GALM: variants seen among roughly 807,000 people sequenced by gnomAD.
GALM encodes aldose 1-epimerase.
In GALM, 43 loss-of-function variants were observed where a neutral mutation model predicts 37.4. That is an observed-to-expected ratio of 1.15 (90% confidence interval 0.90 to 1.48). GALM has a LOEUF of 1.48. Ranked by LOEUF, GALM falls within the 40% of genes most tolerant of loss-of-function variation. GALM has a pLI of 0.00. For missense variants in GALM, 456 were observed against 419.1 expected (o/e 1.09, Z -0.77); for synonymous variants, 199 against 170.6 (o/e 1.17, Z -1.30).
At chr2:38,691,061 T>C (rs1665661745) in intron 4 of GALM, among the ~76,000 whole-genome samples, 1 of 152,222 alleles carries the variant, frequency 6.6e-6, no homozygotes. Flanking sequence ...CTGGCCCATC[T>C]GGTCCTAGAG....
In GALM at chr2:38,715,497, G is replaced by C. The variant is rs117723804; in HGVS notation, c.635-14059G>C. Among the ~76,000 whole-genome samples, 121 of 152,290 alleles carry C rather than the reference G, an allele frequency of 7.9e-4. 2 individuals carry two copies. The East Asian group carries it at 0.021, about 27-fold the overall frequency. The stretch of plus-strand genomic sequence containing the variant: ...GTGTTGCCCAGGCTGAAGTGCAGTG[G>C]TGCAATCACAGCTCACTTTAGCTTC... On this transcript the variant is annotated intron_variant, in intron 4 of 6. Transcript: ENST00000272252.
At chr2:38,678,630 A>G (rs979641851) in intron 2 of GALM, among the ~76,000 whole-genome samples, 1 of 152,158 alleles carries the variant, frequency 6.6e-6, no homozygotes, top group African/African-American at 2.4e-5. Context: ...TGAAAGTTCA[A>G]CCTTTCTGGG....
chr2:38,719,481 A>C (rs1189102812), intron 4 of GALM, among the ~76,000 whole-genome samples: 3 of 143,078 alleles, frequency 2.1e-5, no homozygotes, highest in Admixed American at 2.1e-4. Context: ...AAAAAAAAAA[A>C]ATTAGGATCC....
chr2:38,731,720 T>G lies in GALM; in HGVS notation c.777-15T>G, dbSNP rs778282803. On this transcript the variant is annotated splice_polypyrimidine_tract_variant and intron_variant, in intron 5 of 6. Coordinates refer to ENST00000272252, the MANE Select transcript of GALM (RefSeq NM_138801.3). ...TTTTCTGCCCTGGACTCATGTTGTTTGTATTTCTTACCAGGGTGCATCATG... is the reference window on the plus strand; with the variant it reads ...TTTTCTGCCCTGGACTCATGTTGTTGGTATTTCTTACCAGGGTGCATCATG... The G allele has an allele frequency of 6.2e-7, 1 of 1,609,800 alleles. No homozygotes were observed. The highest frequency in any genetic ancestry group is 2.2e-5 in the East Asian group (1 of 44,848).
At chr2:38,711,846 C>CATT (rs1553383762) in intron 4 of GALM, among the ~76,000 whole-genome samples, 1 of 6,396 alleles carries the variant, frequency 1.6e-4, no homozygotes, top group Non-Finnish European at 3.4e-4. Flanking sequence ...TCACCATCAT[C>CATT]ACCACCACCA....
intron 4 of GALM, among the ~76,000 whole-genome samples, chr2:38,715,526 C>G (rs1666252766): frequency 6.6e-6 from 1 of 152,258 alleles, no homozygotes; most frequent in South Asian, 2.1e-4. Flanking sequence ...TAGCTTCATC[C>G]TCCTGGGCTC....
intron 1 of GALM, 72 bp from the exon 2 acceptor site, chr2:38,675,840 A>G (rs1665246702): frequency 6.9e-7 from 1 of 1,443,066 alleles, no homozygotes; most frequent in Non-Finnish European, 9.7e-7. Flanking sequence ...TAGTGCTGGG[A>G]TTACAGGTGT....
Position 38,689,873 on chromosome 2 carries a change from G to C in GALM, c.613G>C (p.Asp205His), listed in dbSNP as rs146728035. The change falls in exon 4 of 7, where the codon GAT (aspartate) becomes CAT (histidine). Residue 205 changes from aspartate (D) to histidine (H), a missense_variant. By Grantham distance (81) the Asp-to-His change is moderately conservative (BLOSUM62 -1). Coordinates refer to ENST00000272252, the MANE Select transcript of GALM (RefSeq NM_138801.3). Reference sequence around the variant, plus strand: ...AGAAGCGGATACTTATTTGCCTGTGGATGAAACCCTGATTCCTACAGGTTG... The same window carrying C: ...AGAAGCGGATACTTATTTGCCTGTGCATGAAACCCTGATTCCTACAGGTTG... ...TIEADTYLPV[D>H]ETLIPTGEVA... The C allele has an allele frequency of 3.7e-6, 6 of 1,609,308 alleles. No homozygotes were observed. In the South Asian group the frequency reaches 6.6e-5, roughly 18 times the overall value.
At chr2:38,676,903 T>C (rs1365904182) in intron 2 of GALM, among the ~76,000 whole-genome samples, 4 of 152,218 alleles carry the variant, frequency 2.6e-5, no homozygotes, top group Non-Finnish European at 5.9e-5. Flanking sequence ...CCGTCCAACA[T>C]GCTTCCCTGT....
intron 4 of GALM, among the ~76,000 whole-genome samples, chr2:38,706,080 A>G (rs948562640): frequency 2.6e-5 from 4 of 151,814 alleles, no homozygotes; most frequent in Admixed American, 2.6e-4. Flanking sequence ...ATTTTGGCTC[A>G]CTGCAACCTC....
At chr2:38,698,096 A>G (rs1160533080) in intron 4 of GALM, among the ~76,000 whole-genome samples, 1 of 151,994 alleles carries the variant, frequency 6.6e-6, no homozygotes, top group Non-Finnish European at 1.5e-5. Context: ...GGTGCGCACC[A>G]CCACGGCCAG....
At chr2:38,702,572 CTG>C (rs1375629642) in intron 4 of GALM, among the ~76,000 whole-genome samples, 1 of 151,974 alleles carries the variant, frequency 6.6e-6, no homozygotes, top group Non-Finnish European at 1.5e-5. Flanking sequence ...TTTCTGGAAA[CTG>C]TAGATTCTTT....
At chr2:38,687,314 T>C (rs1031790562) in intron 3 of GALM, among the ~76,000 whole-genome samples, 1 of 151,884 alleles carries the variant, frequency 6.6e-6, no homozygotes, top group Non-Finnish European at 1.5e-5. Flanking sequence ...CACAGCAGAG[T>C]GAGCTGTAGA....
At chr2:38,721,888 G>T (rs1043346843) in intron 4 of GALM, among the ~76,000 whole-genome samples, 1 of 152,076 alleles carries the variant, frequency 6.6e-6, no homozygotes, top group South Asian at 2.1e-4. Flanking sequence ...CTTTGACTTT[G>T]TCATGACCTG....
intron 1 of GALM, 53 bp from the exon 2 acceptor site, chr2:38,675,859 G>A (rs1374543418): frequency 3.0e-5 from 48 of 1,582,654 alleles, no homozygotes; most frequent in Non-Finnish European, 3.6e-5. Context: ...GTGAGCCACC[G>A]TGCCCAGCCT....
At chr2:38,708,201 G>A (rs1430620028) in intron 4 of GALM, among the ~76,000 whole-genome samples, 4 of 151,898 alleles carry the variant, frequency 2.6e-5, no homozygotes, top group African/African-American at 7.2e-5. Flanking sequence ...TTGGGAGACC[G>A]AGGCAAGAGT....
At chr2:38,718,632 GTTA>G (rs1666315754) in intron 4 of GALM, among the ~76,000 whole-genome samples, 1 of 151,440 alleles carries the variant, frequency 6.6e-6, no homozygotes, top group South Asian at 2.1e-4. Flanking sequence ...ATTTTTAATT[GTTA>G]TTATAAACAG....
chr2:38,680,007 C>T (rs540567322), intron 2 of GALM: 2 of 453,184 alleles, frequency 4.4e-6, no homozygotes, highest in African/African-American at 2.0e-5. Context: ...AAGCAAAATG[C>T]CTTTTATTTA....
At chr2:38,682,334 C>A in intron 3 of GALM, 1 of 427,018 alleles carries the variant, frequency 2.3e-6, no homozygotes, top group Admixed American at 2.5e-5. Flanking sequence ...TCCTCTTTAT[C>A]TGAAGAACTC....
Sources: gnomAD v4.1 joint callset for allele counts (sites outside exome capture counted in the v4.1 genomes callset) on GRCh38, gnomAD v4.1.1 for gene constraint, MANE v1.5 for transcripts, NCBI Gene and HGNC (gene_info 2026-07-23, HGNC 2026-07-21) for gene names.